ZFPM2: variants seen among roughly 807,000 people sequenced by gnomAD.
ZFPM2 encodes zinc finger protein, FOG family member 2, also known as zinc finger protein ZFPM2.
Under a neutral mutation model 98.6 loss-of-function variants are expected in ZFPM2, and 20 were observed. That is an observed-to-expected ratio of 0.20 (90% confidence interval 0.14 to 0.29). ZFPM2 has a LOEUF of 0.29. Among genes scored for constraint, ZFPM2 ranks in the 10% least tolerant of loss-of-function variants. The pLI, the probability that ZFPM2 is intolerant of heterozygous loss-of-function variation, is 1.00. For synonymous variants in ZFPM2, 518 were observed against 502.7 expected, an observed-to-expected ratio of 1.03 and a Z score of -0.41; for missense variants, 1,310 against 1,388.6, an observed-to-expected ratio of 0.94 and a Z score of 0.90.
intron 4 of ZFPM2, among the ~76,000 whole-genome samples, chr8:105,584,911 G>C (rs923108387): frequency 5.9e-5 from 9 of 152,164 alleles, no homozygotes; most frequent in African/African-American, 2.2e-4. Flanking sequence ...GATAAGGGGT[G>C]TATGTCTGTA....
chr8:105,766,904 A>G (rs1432908009), intron 5 of ZFPM2, among the ~76,000 whole-genome samples: 1 of 151,932 alleles, frequency 6.6e-6, no homozygotes, highest in East Asian at 1.9e-4. Flanking sequence ...AAGGAGGTCA[A>G]TGATATTGGA....
intron 4 of ZFPM2, among the ~76,000 whole-genome samples, chr8:105,582,804 A>G (rs1815631177): frequency 1.3e-5 from 2 of 151,948 alleles, no homozygotes; most frequent in South Asian, 4.2e-4. Context: ...ATGTTGCCCC[A>G]ATTGGTTTCA....
chr8:105,564,694 TC>T (rs1488370294), intron 4 of ZFPM2, among the ~76,000 whole-genome samples: 1 of 152,100 alleles, frequency 6.6e-6, no homozygotes, highest in East Asian at 1.9e-4. Context: ...CAGTATAACA[TC>T]TGTAACATGA....
intron 5 of ZFPM2, among the ~76,000 whole-genome samples, chr8:105,684,592 A>AAT (rs765128876): frequency 7.9e-5 from 12 of 152,136 alleles, no homozygotes; most frequent in Non-Finnish European, 1.5e-4. Flanking sequence ...GTTAAAACCA[A>AAT]AGCTAATTCC....
At chr8:105,746,129 T>C (rs1317490783) in intron 5 of ZFPM2, among the ~76,000 whole-genome samples, 1 of 151,662 alleles carries the variant, frequency 6.6e-6, no homozygotes, top group Non-Finnish European at 1.5e-5. Context: ...ACTGAAAACA[T>C]CCTTTCTCCC....
chr8:105,434,236 T>C (rs1043115290), intron 2 of ZFPM2, among the ~76,000 whole-genome samples: 6 of 152,106 alleles, frequency 3.9e-5, no homozygotes, highest in African/African-American at 1.4e-4. Flanking sequence ...CAGCTGCATG[T>C]TTTTATTTTT....
intron 4 of ZFPM2, among the ~76,000 whole-genome samples, chr8:105,562,656 C>T (rs1302668179): frequency 6.6e-6 from 1 of 152,116 alleles, no homozygotes; most frequent in Non-Finnish European, 1.5e-5. Context: ...TTCAAAGCCA[C>T]CAGGGCCTGA....
At chr8:105,595,940 G>A (rs1355797866) in intron 4 of ZFPM2, among the ~76,000 whole-genome samples, 2 of 149,458 alleles carry the variant, frequency 1.3e-5, no homozygotes, top group Admixed American at 6.7e-5. Context: ...TAAAATCTAT[G>A]TGTATTTCAA....
At chr8:105,344,933 A>G (rs2129680762) in intron 1 of ZFPM2, among the ~76,000 whole-genome samples, 1 of 152,318 alleles carries the variant, frequency 6.6e-6, no homozygotes, top group Middle Eastern at 3.4e-3. Context: ...GAAATAATTA[A>G]ACAACAATAA....
chr8:105,597,436 G>A (rs1413473860), intron 4 of ZFPM2, among the ~76,000 whole-genome samples: 2 of 151,862 alleles, frequency 1.3e-5, no homozygotes, highest in Admixed American at 1.3e-4. Flanking sequence ...GAAAAAGAGA[G>A]CAGACCTAAA....
At chr8:105,724,924 A>AT (rs1811771378) in intron 5 of ZFPM2, among the ~76,000 whole-genome samples, 1 of 151,630 alleles carries the variant, frequency 6.6e-6, no homozygotes, top group South Asian at 2.1e-4. Context: ...ATTTTTTTCT[A>AT]TATATTTATT....
chr8:105,566,969 A>G (rs1815255855), intron 4 of ZFPM2, among the ~76,000 whole-genome samples: 1 of 152,168 alleles, frequency 6.6e-6, no homozygotes, highest in Non-Finnish European at 1.5e-5. Context: ...TGTTGACCTA[A>G]TAATGAAATA....
chr8:105,362,478 T>A (rs975225335), intron 1 of ZFPM2, among the ~76,000 whole-genome samples: 2 of 152,172 alleles, frequency 1.3e-5, no homozygotes, highest in African/African-American at 4.8e-5. Flanking sequence ...GATGCTGTGA[T>A]GATAGCAGGC....
intron 2 of ZFPM2, among the ~76,000 whole-genome samples, chr8:105,443,328 A>AAAC (rs1554605254): frequency 3.4e-5 from 5 of 146,546 alleles, no homozygotes; most frequent in African/African-American, 1.3e-4. Flanking sequence ...ACAAAAAACA[A>AAAC]AAAAAAAAAA....
intron 3 of ZFPM2, among the ~76,000 whole-genome samples, chr8:105,447,834 C>T (rs1409959167): frequency 2.6e-5 from 4 of 152,016 alleles, no homozygotes; most frequent in Admixed American, 6.6e-5. Context: ...AATCAACTCC[C>T]GTCTGACGTG....
chr8:105,727,475 A>G (rs1479647011), intron 5 of ZFPM2, among the ~76,000 whole-genome samples: 2 of 151,774 alleles, frequency 1.3e-5, no homozygotes, highest in African/African-American at 2.4e-5. Context: ...AAACTAAACT[A>G]TTTTTAAGTT....
chr8:105,499,598 C>G (rs941057828), intron 3 of ZFPM2, among the ~76,000 whole-genome samples: 17 of 152,126 alleles, frequency 1.1e-4, no homozygotes, highest in African/African-American at 3.6e-4. Flanking sequence ...TGGTCAGATT[C>G]CCAAGCTCTC....
At chr8:105,780,510 A>C (rs566174625) in intron 5 of ZFPM2, 1 of 152,238 alleles carries the variant, frequency 6.6e-6, no homozygotes, top group African/African-American at 2.4e-5. Context: ...CAGTCGTTAC[A>C]TCATTGTTTA....
intron 3 of ZFPM2, among the ~76,000 whole-genome samples, chr8:105,556,289 G>T (rs980287918): frequency 6.6e-6 from 1 of 152,068 alleles, no homozygotes; most frequent in Non-Finnish European, 1.5e-5. Flanking sequence ...GGATAAAGGT[G>T]ACAAAGAGGG....
Sources: gnomAD v4.1 joint callset for allele counts (sites outside exome capture counted in the v4.1 genomes callset) on GRCh38, gnomAD v4.1.1 for gene constraint, MANE v1.5 for transcripts, NCBI Gene and HGNC (gene_info 2026-07-23, HGNC 2026-07-21) for gene names.